CYP27A1: variants seen among roughly 807,000 people sequenced by gnomAD.
CYP27A1 encodes cytochrome P450 family 27 subfamily A member 1, also known as sterol 26-hydroxylase, mitochondrial.
Under a neutral mutation model 58.2 loss-of-function variants are expected in CYP27A1, and 46 were observed. That is an observed-to-expected ratio of 0.79 (90% CI 0.62 to 1.01). The LOEUF is 1.01. Ranked by LOEUF, CYP27A1 falls within the 50% of genes least tolerant of loss-of-function variation. CYP27A1 has a pLI of 0.00. For synonymous variants in CYP27A1, 274 were observed against 285.1 expected, an observed-to-expected ratio of 0.96 and a Z score of 0.39; for missense variants, 704 against 687.0, an observed-to-expected ratio of 1.02 and a Z score of -0.28.
intron 1 of CYP27A1, among the ~76,000 whole-genome samples, chr2:218,794,824 G>A (rs548266209): frequency 1.3e-5 from 2 of 152,218 alleles, no homozygotes; most frequent in Admixed American, 6.5e-5. Context: ...GGATGCATTT[G>A]AAAGGGTACA....
At chr2:218,786,733 C>T (rs1943444301) in intron 1 of CYP27A1, among the ~76,000 whole-genome samples, 1 of 152,048 alleles carries the variant, frequency 6.6e-6, no homozygotes, top group Admixed American at 6.6e-5. Context: ...GATTTAATCC[C>T]TCCAGGTGCC....
In CYP27A1 at chr2:218,812,739, C is replaced by A. The variant is rs1322506959; in HGVS notation, c.834C>A (p.Ile278=). The A allele has an allele frequency of 6.2e-7, 1 of 1,614,214 alleles. No individual in the cohort carries two copies. Among genetic ancestry groups the A allele is most frequent in the South Asian group, 1.1e-5 (1 of 91,084 alleles). The change falls in exon 4 of 9, where the codon ATC becomes ATA. Residue 278 remains isoleucine, a synonymous_variant. Transcript: ENST00000258415. ...GATACCTGGATGGTTGGAATGCCATCTTTTCCTTTGGTGAGGACTCCCAGA... is the reference window on the plus strand; with the variant it reads ...GATACCTGGATGGTTGGAATGCCATATTTTCCTTTGGTGAGGACTCCCAGA... The part of the protein sequence containing the change: ...WKRYLDGWNA[I]FSFGKKLIDE...
At chr2:218,791,527 T>G (rs758778062) in intron 1 of CYP27A1, among the ~76,000 whole-genome samples, 1 of 152,244 alleles carries the variant, frequency 6.6e-6, no homozygotes, top group Non-Finnish European at 1.5e-5. Flanking sequence ...AAAGAAGTCT[T>G]GATCTGTGAT....
chr2:218,808,816 A>G (rs1943676903), intron 1 of CYP27A1, among the ~76,000 whole-genome samples: 1 of 152,168 alleles, frequency 6.6e-6, no homozygotes, highest in Non-Finnish European at 1.5e-5. Flanking sequence ...CAACTATAAG[A>G]CTATCATAGC....
At chr2:218,788,639 G>C (rs1041862913) in intron 1 of CYP27A1, among the ~76,000 whole-genome samples, 1 of 152,166 alleles carries the variant, frequency 6.6e-6, no homozygotes, top group African/African-American at 2.4e-5. Flanking sequence ...TTCCATCTAG[G>C]CCTTGGAGAA....
At chr2:218,812,868 C>A (rs1943738702) in intron 4 of CYP27A1, 56 bp from the exon 5 acceptor site, 2 of 1,611,970 alleles carry the variant, frequency 1.2e-6, no homozygotes, top group Admixed American at 3.3e-5. Flanking sequence ...GGCTCTTGGT[C>A]CTTGGAGATC....
Position 218,814,406 on chromosome 2 carries a change from C to A in CYP27A1, c.1211C>A (p.Ser404Tyr), listed in dbSNP as rs775495879. 1 of 1,614,244 alleles carries A rather than the reference C, an allele frequency of 6.2e-7. No individual in the cohort carries two copies. Among genetic ancestry groups the A allele is most frequent in the Non-Finnish European group, 8.5e-7 (1 of 1,180,038 alleles). Residue 404 changes from serine to tyrosine, a missense_variant, in exon 7 of 9, where the codon TCC (serine) becomes TAC (tyrosine). By Grantham distance (144) the Ser-to-Tyr change is moderately radical. Coordinates refer to ENST00000258415, the MANE Select transcript of CYP27A1 (RefSeq NM_000784.4). ...LRLYPVVPTNSRIIEKEIEVD... is the reference protein window; with the variant it reads ...LRLYPVVPTNYRIIEKEIEVD... ...CTCTACCCTGTGGTCCCCACAAACT[C>A]CCGGATCATAGAAAAGGAAATTGAA...
intron 1 of CYP27A1, among the ~76,000 whole-genome samples, chr2:218,788,240 T>A (rs1046061895): frequency 1.3e-5 from 2 of 152,236 alleles, no homozygotes; most frequent in Non-Finnish European, 2.9e-5. Context: ...GCTGGTTATC[T>A]TTCTCTCTTC....
chr2:218,790,098 TCTC>T (rs1397328719), intron 1 of CYP27A1, among the ~76,000 whole-genome samples: 1 of 152,218 alleles, frequency 6.6e-6, no homozygotes, highest in Non-Finnish European at 1.5e-5. Context: ...GTTTCCAATT[TCTC>T]CTCTTTTGGT....
intron 1 of CYP27A1, chr2:218,805,798 T>C (rs1943646053): frequency 6.6e-6 from 1 of 152,142 alleles, no homozygotes; most frequent in Admixed American, 6.6e-5. Flanking sequence ...TACGATCTAA[T>C]GGTAGGATCA....
chr2:218,812,241 C>A lies in CYP27A1; in HGVS notation c.466C>A (p.Gln156Lys). The change falls in exon 3 of 9, where the codon CAG (glutamine) becomes AAG (lysine). Residue 156 changes from glutamine to lysine, a missense_variant. Transcript: ENST00000258415. ...CTGCAGGGAAGGACACCACTGGTACCAGCTGCGCCAGGCTCTGAACCAGCG... is the reference window on the plus strand; with the variant it reads ...CTGCAGGGAAGGACACCACTGGTACAAGCTGCGCCAGGCTCTGAACCAGCG... Reference protein sequence around the residue: ...PFTTEGHHWYQLRQALNQRLL... With the variant: ...PFTTEGHHWYKLRQALNQRLL... The A allele has an allele frequency of 6.2e-7, 1 of 1,614,148 alleles. No homozygotes were observed. Among genetic ancestry groups the A allele is most frequent in the Non-Finnish European group, 8.5e-7 (1 of 1,180,008 alleles).
chr2:218,815,142 C>G lies in CYP27A1; in HGVS notation c.*112C>G, dbSNP rs1043711258. On this transcript the variant is annotated 3_prime_UTR_variant, in exon 9 of 9. Transcript: ENST00000258415. ...AGGGAGAGAAGGAGGCCGCCAGACT[C>G]GAGAGGTGGGAGGAACTCCTTGCAC... 128 of 1,353,810 alleles carry G rather than the reference C, an allele frequency of 9.5e-5. No homozygotes were observed. The highest frequency in any genetic ancestry group is 1.2e-4 in the Non-Finnish European group (118 of 961,602). The allele number at this position is 1,353,810 out of a possible 1,614,324, so 83.9% of individuals were successfully genotyped here. A position where few individuals can be genotyped will look rare whatever the true frequency, so the allele number is the denominator to read the frequency against.
chr2:218,813,989 G>A (rs76486707), intron 5 of CYP27A1, 32 bp from the exon 6 acceptor site: 116 of 1,613,514 alleles, frequency 7.2e-5, no homozygotes, highest in South Asian at 4.5e-4. Context: ...CCTAGAAATC[G>A]CCCTCACCTG....
chr2:218,806,751 G>A (rs1056259394), intron 1 of CYP27A1, among the ~76,000 whole-genome samples: 2 of 152,116 alleles, frequency 1.3e-5, no homozygotes, highest in African/African-American at 4.8e-5. Flanking sequence ...TTGGGCCTCA[G>A]TTTCCTCATC....
intron 1 of CYP27A1, chr2:218,806,107 T>C (rs1159706251): frequency 1.3e-5 from 2 of 152,156 alleles, no homozygotes; most frequent in Non-Finnish European, 2.9e-5. Context: ...TAAATCACAG[T>C]ATAGAGAAGA....
intron 6 of CYP27A1, 63 bp from the exon 7 acceptor site, chr2:218,814,317 G>A: frequency 1.3e-6 from 2 of 1,596,558 alleles, no homozygotes; most frequent in Non-Finnish European, 1.7e-6. Flanking sequence ...TAGGGGAGAA[G>A]GAGTGGGGCA....
chr2:218,799,530 T>G (rs1175916178), intron 1 of CYP27A1, among the ~76,000 whole-genome samples: 1 of 152,126 alleles, frequency 6.6e-6, no homozygotes, highest in Non-Finnish European at 1.5e-5. Flanking sequence ...TTCTGTAAGT[T>G]TGGGGCTGCT....
At chr2:218,807,180 C>G (rs201967832) in intron 1 of CYP27A1, among the ~76,000 whole-genome samples, 2 of 151,992 alleles carry the variant, frequency 1.3e-5, no homozygotes, top group South Asian at 4.2e-4. Flanking sequence ...AGGTTGGTCT[C>G]GAACTCTTGA....
At chr2:218,789,474 A>G (rs1943470667) in intron 1 of CYP27A1, among the ~76,000 whole-genome samples, 1 of 152,216 alleles carries the variant, frequency 6.6e-6, no homozygotes, top group African/African-American at 2.4e-5. Flanking sequence ...ACATACAAAA[A>G]ATGGAAGTGA....
Sources: allele counts gnomAD v4.1 joint callset (sites outside exome capture counted in the v4.1 genomes callset), GRCh38; gene constraint gnomAD v4.1.1; transcripts MANE v1.5; gene names NCBI Gene and HGNC (gene_info 2026-07-23, HGNC 2026-07-21).